The following SDK1 variants were observed in gnomAD, a reference collection of about 807,000 sequenced individuals.
SDK1 encodes sidekick cell adhesion molecule 1.
Under a neutral mutation model 245.5 loss-of-function variants are expected in SDK1, and 157 were observed. That is an observed-to-expected ratio of 0.64 (90% CI 0.56 to 0.73). The LOEUF (loss-of-function observed/expected upper bound fraction) is 0.73, where lower values mean the gene tolerates loss of function less well. Among genes scored for constraint, SDK1 ranks in the 30% least tolerant of loss-of-function variants. SDK1 has a pLI of 0.00. For missense variants in SDK1, 3,583 were observed against 3,002.3 expected, an observed-to-expected ratio of 1.19 and a Z score of -4.52; for synonymous variants, 1,647 against 1,278.5, an observed-to-expected ratio of 1.29 and a Z score of -6.15.
chr7:3,901,709 G>A (rs1781796388), intron 5 of SDK1, among the ~76,000 whole-genome samples: 2 of 152,098 alleles, frequency 1.3e-5, no homozygotes, highest in African/African-American at 4.8e-5. Context: ...CTCACTCACG[G>A]GTGACTCTTG....
At chr7:4,101,189 C>T (rs1782515080) in intron 22 of SDK1, among the ~76,000 whole-genome samples, 1 of 150,726 alleles carries the variant, frequency 6.6e-6, no homozygotes, top group African/African-American at 2.5e-5. Context: ...CGCTCTGTCA[C>T]CCAGGCTGGA....
At chr7:3,687,860 G>C (rs938270612) in intron 4 of SDK1, among the ~76,000 whole-genome samples, 1 of 152,170 alleles carries the variant, frequency 6.6e-6, no homozygotes, top group African/African-American at 2.4e-5. Context: ...GTAAGCTGTC[G>C]TCATTGCAGG....
intron 35 of SDK1, among the ~76,000 whole-genome samples, chr7:4,203,823 C>A (rs1389609019): frequency 2.6e-5 from 4 of 152,230 alleles, no homozygotes; most frequent in African/African-American, 9.6e-5. Context: ...CTGGTGTCAA[C>A]AAAAAATGCT....
chr7:3,388,070 G>T (rs1303623524), intron 1 of SDK1, among the ~76,000 whole-genome samples: 2 of 152,154 alleles, frequency 1.3e-5, no homozygotes, highest in East Asian at 3.8e-4. Flanking sequence ...TCAGATAGAA[G>T]GCACTCTGGG....
chr7:3,944,897 C>G (rs998367525), intron 5 of SDK1, among the ~76,000 whole-genome samples: 1 of 152,302 alleles, frequency 6.6e-6, no homozygotes, highest in South Asian at 2.1e-4. Context: ...TTGGGGCAGA[C>G]TTGGTCATGG....
chr7:4,251,015 T>A (rs944471134), intron 44 of SDK1, among the ~76,000 whole-genome samples: 1 of 152,218 alleles, frequency 6.6e-6, no homozygotes, highest in African/African-American at 2.4e-5. Context: ...GCATTTCATA[T>A]AACAGACTCA....
chr7:3,594,598 C>A (rs1180888425), intron 1 of SDK1, among the ~76,000 whole-genome samples: 1 of 152,150 alleles, frequency 6.6e-6, no homozygotes, highest in Non-Finnish European at 1.5e-5. Flanking sequence ...CTTGCCAACA[C>A]TTGTAATTGT....
chr7:4,194,350 A>ATATG (rs1288784815), intron 35 of SDK1, among the ~76,000 whole-genome samples: 1 of 119,322 alleles, frequency 8.4e-6, no homozygotes, highest in East Asian at 2.1e-4. Context: ...ATGTATAGAT[A>ATATG]TATGTATGCA....
At chr7:3,848,894 A>T (rs1780348223) in intron 5 of SDK1, among the ~76,000 whole-genome samples, 1 of 151,824 alleles carries the variant, frequency 6.6e-6, no homozygotes, top group Non-Finnish European at 1.5e-5. Flanking sequence ...CTGGTCTCGA[A>T]CTCCTGACCT....
intron 5 of SDK1, among the ~76,000 whole-genome samples, chr7:3,870,001 A>G (rs1416373144): frequency 6.6e-6 from 1 of 152,244 alleles, no homozygotes; most frequent in Non-Finnish European, 1.5e-5. Flanking sequence ...AGGATCATCC[A>G]TCTAAGTGCA....
intron 20 of SDK1, among the ~76,000 whole-genome samples, chr7:4,074,916 A>ATATTTTTT (rs1434239449): frequency 1.5e-5 from 1 of 64,626 alleles, no homozygotes; most frequent in African/African-American, 1.2e-4. Context: ...ATATATATAT[A>ATATTTTTT]TTTTTTTTTT....
chr7:4,031,768 C>T (rs969112093), intron 17 of SDK1, among the ~76,000 whole-genome samples: 2 of 151,758 alleles, frequency 1.3e-5, no homozygotes, highest in Admixed American at 1.3e-4. Context: ...AAATAAATAA[C>T]ATTTCCCCAG....
At position 3,484,259 on chromosome 7, in the gene SDK1, G is replaced by A. The variant is rs372397375; in HGVS notation, c.299-134821G>A. On this transcript the variant is annotated intron_variant, in intron 1 of 44. Coordinates refer to ENST00000404826, the MANE Select transcript of SDK1 (RefSeq NM_152744.4). ...CCTCCAATACTGTACAGTTTTGTAG[G>A]ATTTGAACTGCATGGGTCCATGTAT... Among the ~76,000 whole-genome samples the A allele has an allele frequency of 1.2e-4, 19 of 152,250 alleles. No individual in the cohort carries two copies. In the East Asian group the frequency reaches 3.1e-3, roughly 25 times the overall value.
In SDK1 at chr7:3,364,122, A is replaced by G. The variant is rs184877693; in HGVS notation, c.298+62238A>G. Among the ~76,000 whole-genome samples the G allele has an allele frequency of 5.9e-5, 9 of 151,942 alleles. No homozygotes were observed. In the East Asian group the frequency reaches 1.7e-3, roughly 29 times the overall value. ...AGTGAAACGTTTATGTCTTTTATCCATTTTCTAACTGGATCGTTTTTCACT... is the reference window on the plus strand; with the variant it reads ...AGTGAAACGTTTATGTCTTTTATCCGTTTTCTAACTGGATCGTTTTTCACT... On this transcript the variant is annotated intron_variant, in intron 1 of 44. Coordinates refer to ENST00000404826, the MANE Select transcript of SDK1 (RefSeq NM_152744.4).
chr7:3,962,499 A>G (rs1781778639), intron 8 of SDK1, among the ~76,000 whole-genome samples, 158 bp from the exon 9 acceptor site: 1 of 152,260 alleles, frequency 6.6e-6, no homozygotes, highest in Admixed American at 6.5e-5. Flanking sequence ...GGCTTCATCT[A>G]CAACGAGAAA....
At chr7:3,851,494 G>A (rs908075969) in intron 5 of SDK1, among the ~76,000 whole-genome samples, 7 of 152,128 alleles carry the variant, frequency 4.6e-5, no homozygotes, top group African/African-American at 1.4e-4. Context: ...CTTTGTCCAA[G>A]TTTTCCCTTT....
intron 1 of SDK1, among the ~76,000 whole-genome samples, chr7:3,337,600 T>A (rs1253876909): frequency 1.3e-5 from 2 of 152,194 alleles, no homozygotes; most frequent in African/African-American, 2.4e-5. Flanking sequence ...ACATCCTGAT[T>A]AAACTTGTGC....
chr7:4,055,535 G>T (rs1324107421), intron 19 of SDK1, among the ~76,000 whole-genome samples: 2 of 128,862 alleles, frequency 1.6e-5, no homozygotes, highest in Non-Finnish European at 3.1e-5. Context: ...GTTTGTTTTT[G>T]TTGTTGTTGT....
rs562971131 is a variant in SDK1 at position 3,741,635 on chromosome 7, C to A, written c.714-79815C>A. ...CAGATTTATGTAAATTGCATAAAGC[C>A]TTTAAGCTAGGAGTGTATCATTTAC... On this transcript the variant is annotated intron_variant, in intron 4 of 44. Transcript: ENST00000404826. Among the ~76,000 whole-genome samples the A allele has an allele frequency of 2.0e-5, 3 of 152,130 alleles. No homozygotes were observed. The South Asian group carries it at 6.2e-4, about 32-fold the overall frequency.
Sources: gnomAD v4.1 joint callset for allele counts (sites outside exome capture counted in the v4.1 genomes callset) on GRCh38, gnomAD v4.1.1 for gene constraint, MANE v1.5 for transcripts, NCBI Gene and HGNC (gene_info 2026-07-23, HGNC 2026-07-21) for gene names.